OTUD7A: variants seen among roughly 807,000 people sequenced by gnomAD.
OTUD7A encodes OTU domain-containing protein 7A.
OTUD7A carries 12 observed loss-of-function variants against 65.7 expected under a neutral mutation model. The ratio of observed to expected loss-of-function variants is 0.18; its 90% CI spans 0.12 to 0.30. The LOEUF is 0.30. OTUD7A is among the 10% of genes least tolerant of loss of function. OTUD7A has a pLI of 1.00. For missense variants in OTUD7A, 1,148 were observed against 1,304.8 expected (o/e 0.88, Z 1.85); for synonymous variants, 641 against 586.3 (o/e 1.09, Z -1.35).
intron 1 of OTUD7A, among the ~76,000 whole-genome samples, chr15:31,835,176 A>G (rs117272405): frequency 7.9e-5 from 12 of 152,362 alleles, no homozygotes; most frequent in Non-Finnish European, 1.5e-4. Flanking sequence ...GAAAGTGAAC[A>G]AGGTTCAAAC....
At chr15:31,861,526 C>T (rs1217548726) in intron 1 of OTUD7A, among the ~76,000 whole-genome samples, 3 of 152,112 alleles carry the variant, frequency 2.0e-5, no homozygotes, top group African/African-American at 7.2e-5. Flanking sequence ...TCTACCTCTT[C>T]CAGAACAGGC....
intron 1 of OTUD7A, among the ~76,000 whole-genome samples, chr15:31,801,915 C>A (rs1221568205): frequency 6.6e-6 from 1 of 151,770 alleles, no homozygotes; most frequent in Admixed American, 6.6e-5. Flanking sequence ...AATTGACACA[C>A]ATGGTGTACG....
intron 3 of OTUD7A, among the ~76,000 whole-genome samples, chr15:31,627,919 C>T (rs1368557689): frequency 1.3e-5 from 2 of 152,250 alleles, no homozygotes; most frequent in East Asian, 3.9e-4. Context: ...ATATCCTTCA[C>T]CCACTTGTTG....
At chr15:31,628,770 G>C (rs1891046164) in intron 3 of OTUD7A, among the ~76,000 whole-genome samples, 1 of 152,062 alleles carries the variant, frequency 6.6e-6, no homozygotes, top group Non-Finnish European at 1.5e-5. Flanking sequence ...TAATTTCATT[G>C]AGCAGTGGTT....
chr15:31,568,597 G>A (rs1252896894), intron 4 of OTUD7A, among the ~76,000 whole-genome samples: 2 of 152,186 alleles, frequency 1.3e-5, no homozygotes, highest in Non-Finnish European at 2.9e-5. Context: ...ATTTGGGAGG[G>A]CCCAGGAGTG....
intron 1 of OTUD7A, among the ~76,000 whole-genome samples, chr15:31,870,198 C>G (rs1248035654): frequency 6.7e-6 from 1 of 149,604 alleles, no homozygotes. Context: ...GCAGCAGCCC[C>G]GACCCAGCGG....
intron 5 of OTUD7A, among the ~76,000 whole-genome samples, chr15:31,552,840 G>A (rs1448926517): frequency 2.0e-5 from 3 of 152,226 alleles, no homozygotes; most frequent in Non-Finnish European, 2.9e-5. Flanking sequence ...CAGCAAGGAT[G>A]GGAAGGCAAA....
intron 1 of OTUD7A, among the ~76,000 whole-genome samples, chr15:31,697,752 G>A (rs1595714036): frequency 6.6e-6 from 1 of 152,234 alleles, no homozygotes; most frequent in Non-Finnish European, 1.5e-5. Context: ...CCTGAGCCCA[G>A]AGGAGTGAGA....
rs764707757 is a variant in OTUD7A at position 31,484,048 on chromosome 15, G to T, written c.2048C>A (p.Ala683Asp). ...GGCGGCAGCGGCGGCCGCAGTAGCGGCGTCGCGGCGCCGCTGCTCCTGCTC... is the reference window on the plus strand; with the variant it reads ...GGCGGCAGCGGCGGCCGCAGTAGCGTCGTCGCGGCGCCGCTGCTCCTGCTC... ...SAEQEQRRRDAATAAAAAAAA... is the reference protein window; with the variant it reads ...SAEQEQRRRDDATAAAAAAAA... The change falls in exon 13 of 13, where the codon GCC becomes GAC. Residue 683 changes from alanine to aspartate, a missense_variant. Physicochemically the swap from Ala to Asp is moderately radical, Grantham distance 126. Transcript: ENST00000307050. The surrounding 1 kb of genome is among the most constrained non-coding windows in gnomAD (Gnocchi z 4.5). 7.5e-7 allele frequency: 1 copy of T among 1,342,038 alleles called. No homozygotes were observed. Among genetic ancestry groups the T allele is most frequent in the Non-Finnish European group, 9.5e-7 (1 of 1,049,002 alleles). The allele number at this position is 1,342,038 out of a possible 1,614,324, so 83.1% of individuals were successfully genotyped here.
At chr15:31,827,637 GA>G (rs1212275799) in intron 1 of OTUD7A, among the ~76,000 whole-genome samples, 2 of 152,112 alleles carry the variant, frequency 1.3e-5, no homozygotes, top group African/African-American at 4.8e-5. Context: ...CTCTTTGTTA[GA>G]AAATCAGGCC....
At chr15:31,703,337 T>C (rs1306666440) in intron 1 of OTUD7A, among the ~76,000 whole-genome samples, 1 of 152,150 alleles carries the variant, frequency 6.6e-6, no homozygotes, top group Non-Finnish European at 1.5e-5. Context: ...ACCATGTATC[T>C]GACAAAGGAC....
intron 1 of OTUD7A, among the ~76,000 whole-genome samples, chr15:31,676,655 A>G (rs1278247581): frequency 2.0e-5 from 3 of 152,190 alleles, no homozygotes; most frequent in Non-Finnish European, 4.4e-5. Context: ...CCAATGGTGC[A>G]CTGGCTCCCA....
intron 1 of OTUD7A, chr15:31,765,928 T>C: frequency 7.6e-7 from 1 of 1,312,582 alleles, no homozygotes; most frequent in Non-Finnish European, 1.1e-6. Flanking sequence ...AAAGTCCTGT[T>C]TTTAACAATA....
chr15:31,808,138 A>ACACACAC (rs56773953), intron 1 of OTUD7A, among the ~76,000 whole-genome samples: 30 of 113,526 alleles, frequency 2.6e-4, no homozygotes, highest in Non-Finnish European at 4.5e-4. Flanking sequence ...CACACACACA[A>ACACACAC]ACAAATCCTC....
At chr15:31,504,986 T>C (rs1423826995) in intron 8 of OTUD7A, among the ~76,000 whole-genome samples, 1 of 152,116 alleles carries the variant, frequency 6.6e-6, no homozygotes, top group African/African-American at 2.4e-5. Flanking sequence ...CTTGAAATGT[T>C]TGTTTTCTGG....
intron 1 of OTUD7A, among the ~76,000 whole-genome samples, chr15:31,657,420 G>A (rs993053959): frequency 6.6e-6 from 1 of 151,600 alleles, no homozygotes; most frequent in Middle Eastern, 3.4e-3. Flanking sequence ...GCAGTGGCGC[G>A]ATCTCGGCTC....
chr15:31,622,592 C>T (rs12916340), intron 3 of OTUD7A, among the ~76,000 whole-genome samples: 43,513 of 151,970 alleles, frequency 0.29, 7,333 homozygotes, highest in African/African-American at 0.47. Context: ...GCGTAGTTCT[C>T]ATGCCATGGT....
chr15:31,723,554 T>C (rs1239511590), intron 1 of OTUD7A, among the ~76,000 whole-genome samples: 4 of 142,548 alleles, frequency 2.8e-5, no homozygotes, highest in African/African-American at 7.9e-5. Flanking sequence ...GATCATATGA[T>C]ATGTTCTTGG....
At chr15:31,510,566 G>A (rs1167320472) in intron 8 of OTUD7A, among the ~76,000 whole-genome samples, 4 of 107,446 alleles carry the variant, frequency 3.7e-5, no homozygotes, top group African/African-American at 7.3e-5. Flanking sequence ...ACATACATAT[G>A]TATATCTATA....
Sources: gnomAD v4.1 joint callset for allele counts (sites outside exome capture counted in the v4.1 genomes callset) on GRCh38, gnomAD v4.1.1 for gene constraint, Gnocchi (gnomAD v3.1) non-coding constraint, MANE v1.5 for transcripts, NCBI Gene and HGNC (gene_info 2026-07-23, HGNC 2026-07-21) for gene names.